Variants in BBOX1 observed in about 807,000 individuals in gnomAD.
The protein encoded by BBOX1 is gamma-butyrobetaine dioxygenase.
Under a neutral mutation model 41.6 loss-of-function variants are expected in BBOX1, and 35 were observed. That is an observed-to-expected ratio of 0.84 (90% CI 0.64 to 1.11). BBOX1 has a LOEUF of 1.11. Among genes scored for constraint, BBOX1 ranks in the 50% most tolerant of loss-of-function variants. BBOX1 has a pLI of 0.00. For missense variants in BBOX1, 458 were observed against 460.6 expected (o/e 0.99, Z 0.05); for synonymous variants, 163 against 154.7 (o/e 1.05, Z -0.40).
rs1379464119 is a variant in BBOX1 at position 27,125,679 on chromosome 11, C to T, written c.862C>T (p.Arg288Cys). Residue 288 changes from arginine to cysteine, a missense_variant, in exon 8 of 9, where the codon CGC (arginine) becomes TGC (cysteine). Coordinates refer to ENST00000263182, the MANE Select transcript of BBOX1 (RefSeq NM_003986.3). ...IELDDKGQVV[R>C]INFNNATRDT... ...GTTAGATGATAAAGGCCAAGTGGTTCGCATCAACTTCAATAACGCAACTAG... is the reference window on the plus strand; with the variant it reads ...GTTAGATGATAAAGGCCAAGTGGTTTGCATCAACTTCAATAACGCAACTAG... 1.8e-5 allele frequency: 28 copies of T among 1,583,400 alleles called. No individual in the cohort carries two copies. Among genetic ancestry groups the T allele is most frequent in the Non-Finnish European group, 2.1e-5 (25 of 1,164,304 alleles).
At chr11:27,115,098 A>G (rs1331681121) in intron 5 of BBOX1, among the ~76,000 whole-genome samples, 4 of 151,904 alleles carry the variant, frequency 2.6e-5, no homozygotes, top group African/African-American at 9.7e-5. Context: ...TGAATTGTTC[A>G]CTTTAAAGTG....
intron 7 of BBOX1, among the ~76,000 whole-genome samples, chr11:27,122,070 G>T (rs1316699731): frequency 1.3e-5 from 2 of 152,178 alleles, no homozygotes; most frequent in East Asian, 3.9e-4. Flanking sequence ...TCAGTTAACA[G>T]AGGGCCTCCA....
chr11:27,068,463 A>C (rs1367012546), intron 4 of BBOX1, among the ~76,000 whole-genome samples: 1 of 151,438 alleles, frequency 6.6e-6, no homozygotes, highest in African/African-American at 2.4e-5. Context: ...TAGATTCTGG[A>C]TATTAGTCCT....
At chr11:27,123,894 T>A (rs1368110729) in intron 7 of BBOX1, among the ~76,000 whole-genome samples, 1 of 152,228 alleles carries the variant, frequency 6.6e-6, no homozygotes, top group African/African-American at 2.4e-5. Context: ...ATCTATGTTT[T>A]AAGAGTCTAA....
chr11:27,106,762 AC>A (rs139097267), intron 5 of BBOX1, among the ~76,000 whole-genome samples: 152,134 of 152,192 alleles, frequency 1, 76,038 homozygotes, highest in Middle Eastern at 1. Flanking sequence ...AGAACTCTCC[AC>A]CCCCAAATCA....
In BBOX1 at chr11:27,040,831, T is replaced by C. The variant is rs909008178; in HGVS notation, c.-499T>C. On this transcript the variant is annotated 5_prime_UTR_variant, in exon 1 of 9. Transcript: ENST00000263182. ...AAGAGGCTCATATTGGAATACTCTG[T>C]TGACAAGTAGATACCACTTCACCTC... 1 of 152,222 alleles carries C rather than the reference T, an allele frequency of 6.6e-6. No homozygotes were observed. Among genetic ancestry groups the C allele is most frequent in the African/African-American group, 2.4e-5 (1 of 41,460 alleles). 9.4% of individuals were successfully genotyped at this position (152,222 alleles called of 1,614,324 possible). A position where few individuals can be genotyped will look rare whatever the true frequency, so the allele number is the denominator to read the frequency against.
intron 5 of BBOX1, among the ~76,000 whole-genome samples, 157 bp from the exon 6 acceptor site, chr11:27,115,295 G>C (rs79519863): frequency 0.038 from 5,772 of 151,970 alleles, 351 homozygotes; most frequent in African/African-American, 0.13. Context: ...ACTTTAGGCA[G>C]AGAAAGGTCA....
intron 4 of BBOX1, among the ~76,000 whole-genome samples, chr11:27,069,511 C>T (rs547889725): frequency 6.6e-5 from 10 of 152,032 alleles, no homozygotes; most frequent in Non-Finnish European, 1.2e-4. Context: ...ATTTTATCAT[C>T]GGTGAACAGT....
chr11:27,103,996 CCTT>C (rs1274772604), intron 5 of BBOX1, among the ~76,000 whole-genome samples: 1 of 152,190 alleles, frequency 6.6e-6, no homozygotes, highest in Non-Finnish European at 1.5e-5. Flanking sequence ...CTTTCTAAGA[CCTT>C]CTAGTTCGTC....
intron 4 of BBOX1, among the ~76,000 whole-genome samples, chr11:27,089,994 A>G (rs1028689649): frequency 2.0e-5 from 3 of 152,044 alleles, no homozygotes; most frequent in East Asian, 1.9e-4. Flanking sequence ...TGGGAGTGGC[A>G]AAGCAAACAA....
rs180965197 is a variant in BBOX1 at position 27,104,624 on chromosome 11, G to C, written c.534-10828G>C. Among the ~76,000 whole-genome samples the C allele has an allele frequency of 1.2e-4, 18 of 152,164 alleles. No individual in the cohort carries two copies. The South Asian group carries it at 2.5e-3, about 21-fold the overall frequency. Reference sequence around the variant, plus strand: ...TCTAGATATCGGAAAGGTTATCTTCGTTTCTCTAGTTTGTGTTTGGGGTAC... The same window carrying C: ...TCTAGATATCGGAAAGGTTATCTTCCTTTCTCTAGTTTGTGTTTGGGGTAC... On this transcript the variant is annotated intron_variant, in intron 5 of 8. Transcript: ENST00000263182.
At chr11:27,064,478 A>C (rs2133979158) in intron 4 of BBOX1, among the ~76,000 whole-genome samples, 1 of 152,308 alleles carries the variant, frequency 6.6e-6, no homozygotes, top group South Asian at 2.1e-4. Context: ...CATATGCAAA[A>C]TGGACCTACT....
chr11:27,072,387 G>A (rs1857483576), intron 4 of BBOX1, among the ~76,000 whole-genome samples: 1 of 152,114 alleles, frequency 6.6e-6, no homozygotes, highest in Non-Finnish European at 1.5e-5. Flanking sequence ...CCTCTTCAAG[G>A]AGAACTACAA....
At chr11:27,105,209 T>G (rs1282531352) in intron 5 of BBOX1, among the ~76,000 whole-genome samples, 1 of 152,058 alleles carries the variant, frequency 6.6e-6, no homozygotes, top group African/African-American at 2.4e-5. Flanking sequence ...GGAACACAGC[T>G]CCTCACCAGC....
At chr11:27,088,871 A>G (rs1331427225) in intron 4 of BBOX1, among the ~76,000 whole-genome samples, 2 of 152,030 alleles carry the variant, frequency 1.3e-5, no homozygotes, top group Non-Finnish European at 2.9e-5. Flanking sequence ...AGATTAAAAG[A>G]AATAAGGTAC....
At chr11:27,064,883 G>T (rs1857235162) in intron 4 of BBOX1, among the ~76,000 whole-genome samples, 1 of 149,622 alleles carries the variant, frequency 6.7e-6, no homozygotes, top group Non-Finnish European at 1.5e-5. Flanking sequence ...ATGGGGTCCA[G>T]TGGAGCCATA....
At position 27,040,889 on chromosome 11, in the gene BBOX1, T is replaced by TA. The variant is rs1287862040; in HGVS notation, c.-438dup. 1.3e-5 allele frequency: 2 copies of TA among 152,194 alleles called. No homozygotes were observed. The highest frequency in any genetic ancestry group is 6.5e-5 in the Admixed American group (1 of 15,270). The allele number at this position is 152,194 out of a possible 1,614,324, so 9.4% of individuals were successfully genotyped here. A position where few individuals can be genotyped will look rare whatever the true frequency, so the allele number is the denominator to read the frequency against. On this transcript the variant is annotated 5_prime_UTR_variant, in exon 1 of 9. It adds an upstream start codon to the 5' untranslated region. Coordinates refer to ENST00000263182, the MANE Select transcript of BBOX1 (RefSeq NM_003986.3). ...GTGAGCGCTGGTAGCTCCTCCCTGT[T>TA]AAATGCCCATCTCAATGCCTCTGCC... is the stretch of plus-strand genomic sequence containing the variant.
At chr11:27,057,435 AT>A in intron 4 of BBOX1, 120 bp downstream of exon 4, 1 of 747,652 alleles carries the variant, frequency 1.3e-6, no homozygotes, top group Non-Finnish European at 2.2e-6. Context: ...TGACATGTAA[AT>A]TATGTGGTGT....
At chr11:27,118,899 T>C (rs769623573) in intron 6 of BBOX1, among the ~76,000 whole-genome samples, 2 of 151,288 alleles carry the variant, frequency 1.3e-5, no homozygotes, top group Non-Finnish European at 2.9e-5. Flanking sequence ...TGCTATTGTT[T>C]TGCTACTCTG....
Sources: gnomAD v4.1 joint callset for allele counts (sites outside exome capture counted in the v4.1 genomes callset) on GRCh38, gnomAD v4.1.1 for gene constraint, MANE v1.5 for transcripts, NCBI Gene and HGNC (gene_info 2026-07-23, HGNC 2026-07-21) for gene names.